CEP162: variants seen among roughly 807,000 people sequenced by gnomAD.
CEP162 encodes the protein centrosomal protein of 162 kDa.
In CEP162, 141 loss-of-function variants were observed where a neutral mutation model predicts 169.2. That is an observed-to-expected ratio of 0.83 (90% CI 0.73 to 0.96). CEP162 has a LOEUF of 0.96. Among genes scored for constraint, CEP162 ranks in the 40% least tolerant of loss-of-function variants. CEP162 has a pLI of 0.00. For missense variants in CEP162, 1,600 were observed against 1,587.2 expected (o/e 1.01, Z -0.14); for synonymous variants, 540 against 526.4 (o/e 1.03, Z -0.35).
chr6:84,161,642 G>T, intron 20 of CEP162, 104 bp downstream of exon 20: 1 of 820,664 alleles, frequency 1.2e-6, no homozygotes. Flanking sequence ...TAATAGTTCA[G>T]ATCTTAATTA....
chr6:84,225,524 G>T (rs2099555361), intron 2 of CEP162, among the ~76,000 whole-genome samples: 1 of 152,134 alleles, frequency 6.6e-6, no homozygotes, highest in Non-Finnish European at 1.5e-5. Context: ...GTGCATGACT[G>T]TACACAGAAC....
intron 22 of CEP162, 23 bp from the exon 23 acceptor site, chr6:84,153,202 T>C (rs777384043): frequency 6.3e-7 from 1 of 1,575,138 alleles, no homozygotes; most frequent in Non-Finnish European, 8.6e-7. Flanking sequence ...ATCCATGTAA[T>C]GCCAAACACC....
chr6:84,136,358 G>T (rs2129188951), intron 25 of CEP162, among the ~76,000 whole-genome samples: 1 of 152,310 alleles, frequency 6.6e-6, no homozygotes, highest in Middle Eastern at 3.4e-3. Flanking sequence ...GCCTTTTGCT[G>T]CATTAACCCA....
chr6:84,155,768 A>T (rs1240548260), intron 21 of CEP162, among the ~76,000 whole-genome samples: 2 of 152,186 alleles, frequency 1.3e-5, no homozygotes, highest in African/African-American at 4.8e-5. Context: ...ATGTGCATAG[A>T]CTGGAAGGAT....
At chr6:84,219,665 A>G (rs1053540399) in intron 3 of CEP162, among the ~76,000 whole-genome samples, 3 of 152,250 alleles carry the variant, frequency 2.0e-5, no homozygotes, top group Non-Finnish European at 2.9e-5. Context: ...GAATTTTTCA[A>G]TAAGGAATTT....
Position 84,204,006 on chromosome 6 carries a change from G to C in CEP162, c.662C>G (p.Ser221Ter). The change falls in exon 7 of 27, where the codon TCA becomes TGA. Residue 221 changes from serine to a stop codon, truncating the protein, a stop_gained. Coordinates refer to ENST00000403245, the MANE Select transcript of CEP162 (RefSeq NM_014895.4). LOFTEE classifies it high-confidence loss of function. ...EEMPSKENSK[S>*]EKISVPKQEE... is the part of the protein sequence containing the mutation. ...CTGTTTGGGCACACTTATTTTTTCTGATTTGGAATTCTCTTTGGAAGGCAT... is the reference window on the plus strand; with the variant it reads ...CTGTTTGGGCACACTTATTTTTTCTCATTTGGAATTCTCTTTGGAAGGCAT... 6.2e-7 allele frequency: 1 copy of C among 1,607,380 alleles called. No homozygotes were observed. Among genetic ancestry groups the C allele is most frequent in the Non-Finnish European group, 8.5e-7 (1 of 1,176,922 alleles).
intron 6 of CEP162, among the ~76,000 whole-genome samples, chr6:84,205,224 T>G (rs2127737753): frequency 6.6e-6 from 1 of 152,334 alleles, no homozygotes; most frequent in East Asian, 1.9e-4. Context: ...ACTCATTTTA[T>G]GAGGCCAGCA....
chr6:84,218,707 A>C (rs2099552509), intron 3 of CEP162, among the ~76,000 whole-genome samples: 1 of 152,208 alleles, frequency 6.6e-6, no homozygotes, highest in Admixed American at 6.5e-5. Flanking sequence ...CTCTTGGAAA[A>C]GGCTAAGAAT....
At chr6:84,125,908 G>A (rs1320410004) in intron 26 of CEP162, among the ~76,000 whole-genome samples, 9 of 152,004 alleles carry the variant, frequency 5.9e-5, no homozygotes, top group Admixed American at 5.2e-4. Context: ...TCAGCACCAA[G>A]GCAAGTGCCT....
rs2099514105 is a variant in CEP162, at chr6:84,136,418, GAA to G, written c.3871-9908_3871-9907del. Among the ~76,000 whole-genome samples the G allele has an allele frequency of 3.3e-5, 5 of 152,262 alleles. No homozygotes were observed. In the South Asian group the frequency reaches 1.0e-3, roughly 32 times the overall value. On this transcript the variant is annotated intron_variant, in intron 25 of 26. Transcript: ENST00000403245. ...AGACAGAGAGGGAATGAGAACCACTGAACTTATTCTTCTATCATGAGCCCACT... is the reference window on the plus strand; with the variant it reads ...AGACAGAGAGGGAATGAGAACCACTGCTTATTCTTCTATCATGAGCCCACT...
chr6:84,213,838 G>A (rs2099550521), intron 5 of CEP162, among the ~76,000 whole-genome samples: 2 of 152,194 alleles, frequency 1.3e-5, no homozygotes, highest in East Asian at 3.9e-4. Flanking sequence ...ACAACGTTGG[G>A]AGAGGCAATG....
At chr6:84,148,111 C>T (rs2099519730) in intron 24 of CEP162, among the ~76,000 whole-genome samples, 1 of 152,074 alleles carries the variant, frequency 6.6e-6, no homozygotes, top group South Asian at 2.1e-4. Flanking sequence ...CACCCTATTC[C>T]TATGGAGGAT....
rs75780177 is a variant in CEP162, at chr6:84,226,015, C to T, written c.57+322G>A. Among the ~76,000 whole-genome samples, 17 of 150,698 alleles carry T rather than the reference C, an allele frequency of 1.1e-4. No homozygotes were observed. In the East Asian group the frequency reaches 2.5e-3, roughly 22 times the overall value. On this transcript the variant is annotated intron_variant, in intron 2 of 26. Coordinates refer to ENST00000403245, the MANE Select transcript of CEP162 (RefSeq NM_014895.4). ...TATGTAAGAGTGAAATCATGAAAGG[C>T]TTTAAAACCATGGTAAGGAGGAGTT... is the stretch of plus-strand genomic sequence containing the variant.
At chr6:84,159,925 T>G (rs1305867828) in intron 21 of CEP162, among the ~76,000 whole-genome samples, 1 of 152,034 alleles carries the variant, frequency 6.6e-6, no homozygotes, top group East Asian at 1.9e-4. Flanking sequence ...GATCCTTTCT[T>G]GGCCCTGACC....
At position 84,192,278 on chromosome 6, in the gene CEP162, T is replaced by C. The variant is rs546704690; in HGVS notation, c.1109+1331A>G. On this transcript the variant is annotated intron_variant, in intron 11 of 26. Transcript: ENST00000403245. ...TTTCTATTACGTATGATTACTGTTATACCTTCAAAATATCTGTTTTAAGCT... is the reference window on the plus strand; with the variant it reads ...TTTCTATTACGTATGATTACTGTTACACCTTCAAAATATCTGTTTTAAGCT... Among the ~76,000 whole-genome samples, 11 of 152,386 alleles carry C rather than the reference T, an allele frequency of 7.2e-5. No homozygotes were observed. In the South Asian group the frequency reaches 2.1e-3, roughly 29 times the overall value.
chr6:84,157,315 T>G (rs781736849), intron 21 of CEP162, among the ~76,000 whole-genome samples: 10 of 152,226 alleles, frequency 6.6e-5, no homozygotes, highest in Non-Finnish European at 4.4e-5. Context: ...TGAAAAAATC[T>G]TAAAGTATAT....
chr6:84,168,294 T>C (rs566401718), intron 18 of CEP162, among the ~76,000 whole-genome samples: 1 of 152,298 alleles, frequency 6.6e-6, no homozygotes, highest in African/African-American at 2.4e-5. Context: ...TTTACCTTTC[T>C]ACCTATCTGC....
chr6:84,202,518 C>CTTTTTTTTTTTTTTTTTTTTTTTT (rs70987776), intron 7 of CEP162, among the ~76,000 whole-genome samples: 23 of 90,744 alleles, frequency 2.5e-4, no homozygotes, highest in Non-Finnish European at 3.2e-4. Context: ...TTCTTTCTTT[C>CTTTTTTTTTTTTTTTTTTTTTTTT]TTTTTTTTTT....
chr6:84,131,590 C>A (rs1045203166), intron 25 of CEP162, among the ~76,000 whole-genome samples: 1 of 151,974 alleles, frequency 6.6e-6, no homozygotes, highest in African/African-American at 2.4e-5. Flanking sequence ...GATCCCTTTA[C>A]CATTATGGCC....
Sources: allele counts gnomAD v4.1 joint callset (sites outside exome capture counted in the v4.1 genomes callset), GRCh38; gene constraint gnomAD v4.1.1; transcripts MANE v1.5; gene names NCBI Gene and HGNC (gene_info 2026-07-23, HGNC 2026-07-21).